Variants in ELMOD1 observed in about 807,000 individuals in gnomAD.
ELMOD1 encodes ELMO domain containing 1.
In ELMOD1, 21 loss-of-function variants were observed where a neutral mutation model predicts 46.7. The ratio of observed to expected loss-of-function variants is 0.45; its 90% CI spans 0.32 to 0.65. ELMOD1 has a LOEUF of 0.65. ELMOD1 is among the 30% of genes least tolerant of loss of function. The pLI is 0.04. For synonymous variants in ELMOD1, 122 were observed against 138.2 expected, an observed-to-expected ratio of 0.88 and a Z score of 0.82; for missense variants, 348 against 407.8, an observed-to-expected ratio of 0.85 and a Z score of 1.26.
chr11:107,628,204 G>T (rs1257459251), intron 2 of ELMOD1, among the ~76,000 whole-genome samples: 2 of 151,782 alleles, frequency 1.3e-5, no homozygotes, highest in East Asian at 3.9e-4. Flanking sequence ...GTCTTGCTCT[G>T]TCGCCAGGCT....
At chr11:107,646,683 C>T (rs754451498) in intron 6 of ELMOD1, among the ~76,000 whole-genome samples, 1 of 151,528 alleles carries the variant, frequency 6.6e-6, no homozygotes, top group African/African-American at 2.4e-5. Context: ...TGCAGTGAGC[C>T]GAAATCAGGC....
At chr11:107,593,693 A>G (rs369283704) in intron 1 of ELMOD1, among the ~76,000 whole-genome samples, 4 of 152,356 alleles carry the variant, frequency 2.6e-5, no homozygotes, top group Non-Finnish European at 5.9e-5. Flanking sequence ...AATTTCAGAT[A>G]AACAGTGAAT....
chr11:107,632,384 C>T (rs548497286), intron 5 of ELMOD1, among the ~76,000 whole-genome samples: 2 of 152,216 alleles, frequency 1.3e-5, no homozygotes, highest in South Asian at 4.1e-4. Context: ...TTTAGATGTT[C>T]GTGTCTGAGA....
At chr11:107,618,054 A>G (rs1348697009) in intron 1 of ELMOD1, 51 bp from the exon 2 acceptor site, 5 of 1,046,828 alleles carry the variant, frequency 4.8e-6, no homozygotes, top group Non-Finnish European at 7.1e-6. Flanking sequence ...TTTGGTTTGC[A>G]GCTTCCAGCC....
rs1865784734 is a variant in ELMOD1, at chr11:107,611,746, A to G, written c.-85-6359A>G. On this transcript the variant is annotated intron_variant, in intron 1 of 11. Transcript: ENST00000265840. Reference sequence around the variant, plus strand: ...AAAAAAAAGTGGGCAAAAGACACGAACAGACACTTCTCAATAGAAGACATA... The same window carrying G: ...AAAAAAAAGTGGGCAAAAGACACGAGCAGACACTTCTCAATAGAAGACATA... Among the ~76,000 whole-genome samples the G allele has an allele frequency of 1.3e-5, 2 of 151,678 alleles. 1 individual carries two copies. Among genetic ancestry groups the G allele is most frequent in the South Asian group, 4.2e-4 (2 of 4,800 alleles).
chr11:107,612,216 A>G (rs1246751915), intron 1 of ELMOD1, among the ~76,000 whole-genome samples: 1 of 152,226 alleles, frequency 6.6e-6, no homozygotes, highest in African/African-American at 2.4e-5. Flanking sequence ...TTGAAGCAAC[A>G]TGGATACAGC....
chr11:107,613,529 A>G (rs1865813952), intron 1 of ELMOD1, among the ~76,000 whole-genome samples: 1 of 152,208 alleles, frequency 6.6e-6, no homozygotes, highest in Non-Finnish European at 1.5e-5. Flanking sequence ...GTTACTCAGC[A>G]CAATATTGGA....
chr11:107,633,410 C>A (rs912272116), intron 5 of ELMOD1, among the ~76,000 whole-genome samples: 1 of 152,060 alleles, frequency 6.6e-6, no homozygotes, highest in Non-Finnish European at 1.5e-5. Flanking sequence ...CTAAAAATTA[C>A]GACAGAGAAA....
chr11:107,652,747 C>T lies in ELMOD1; in HGVS notation c.648-1425C>T, dbSNP rs571022944. On this transcript the variant is annotated intron_variant, in intron 9 of 11. Coordinates refer to ENST00000265840, the MANE Select transcript of ELMOD1 (RefSeq NM_018712.4). ...AGTTACACTTTAAAAATAGGTGGCA[C>T]GTTTTAATATGAATTAAAAACAGTT... is the stretch of plus-strand genomic sequence containing the variant. 1.7e-3 allele frequency among the ~76,000 whole-genome samples: 259 copies of T among 152,126 alleles called. 1 individual carries two copies. The highest frequency in any genetic ancestry group is 2.7e-3 in the Non-Finnish European group (182 of 67,970).
At chr11:107,642,446 G>A (rs567544303) in intron 6 of ELMOD1, among the ~76,000 whole-genome samples, 1 of 152,012 alleles carries the variant, frequency 6.6e-6, no homozygotes, top group East Asian at 1.9e-4. Context: ...TCGGCTCACT[G>A]CAACCTCCAC....
intron 1 of ELMOD1, among the ~76,000 whole-genome samples, chr11:107,608,018 T>TAAAAAAAAA (rs34472766): frequency 2.4e-5 from 2 of 83,418 alleles, no homozygotes; most frequent in Non-Finnish European, 5.3e-5. Context: ...TCATTAGTGC[T>TAAAAAAAAA]AAAAAAAAAA....
At chr11:107,652,506 A>G (rs1866542876) in intron 9 of ELMOD1, among the ~76,000 whole-genome samples, 1 of 152,240 alleles carries the variant, frequency 6.6e-6, no homozygotes. Flanking sequence ...GCCTTTTCTT[A>G]TATTTCCAAT....
At chr11:107,597,128 C>T (rs1451211043) in intron 1 of ELMOD1, among the ~76,000 whole-genome samples, 1 of 152,092 alleles carries the variant, frequency 6.6e-6, no homozygotes. Context: ...GACATTTCTA[C>T]AATTTTATCA....
intron 1 of ELMOD1, among the ~76,000 whole-genome samples, chr11:107,609,016 A>G (rs1018615773): frequency 6.6e-6 from 1 of 152,202 alleles, no homozygotes; most frequent in Non-Finnish European, 1.5e-5. Flanking sequence ...TCTCTGCCAC[A>G]TCCTATTTGT....
At chr11:107,661,760 T>C (rs1866743487) in intron 11 of ELMOD1, among the ~76,000 whole-genome samples, 1 of 152,252 alleles carries the variant, frequency 6.6e-6, no homozygotes, top group Non-Finnish European at 1.5e-5. Flanking sequence ...TTTCATCTTA[T>C]TGAATTGCAA....
chr11:107,654,052 G>A, intron 9 of ELMOD1, 120 bp from the exon 10 acceptor site: 1 of 794,138 alleles, frequency 1.3e-6, no homozygotes, highest in East Asian at 2.7e-5. Context: ...ACATTTGTTG[G>A]ATAATTGAGC....
intron 2 of ELMOD1, among the ~76,000 whole-genome samples, chr11:107,626,220 G>A (rs889863991): frequency 3.3e-5 from 5 of 151,990 alleles, no homozygotes; most frequent in African/African-American, 4.8e-5. Context: ...AGCCTAGGAG[G>A]GAAAGGAGCA....
At chr11:107,619,887 T>A (rs1865919294) in intron 2 of ELMOD1, 1 of 151,928 alleles carries the variant, frequency 6.6e-6, no homozygotes, top group Non-Finnish European at 1.5e-5. Flanking sequence ...ATAAATATTA[T>A]ATGGCATTGA....
In ELMOD1 at chr11:107,666,598, G is replaced by A. The variant is rs977971753; in HGVS notation, c.*1401G>A. On this transcript the variant is annotated 3_prime_UTR_variant, in exon 12 of 12. Transcript: ENST00000265840. ...AAACCATGATTTAGTTTGGAATTATGATTGTAGTCTGTTGAATAGTATTTA... is the reference window on the plus strand; with the variant it reads ...AAACCATGATTTAGTTTGGAATTATAATTGTAGTCTGTTGAATAGTATTTA... 2 of 152,596 alleles carry A rather than the reference G, an allele frequency of 1.3e-5. No homozygotes were observed. 9.5% of individuals were successfully genotyped at this position (152,596 alleles called of 1,614,324 possible). A position where few individuals can be genotyped will look rare whatever the true frequency, so the allele number is the denominator to read the frequency against.
Sources: allele counts gnomAD v4.1 joint callset (sites outside exome capture counted in the v4.1 genomes callset), GRCh38; gene constraint gnomAD v4.1.1; transcripts MANE v1.5; gene names NCBI Gene and HGNC (gene_info 2026-07-23, HGNC 2026-07-21).